Variants in PLEKHA7 observed in about 807,000 individuals in gnomAD.
PLEKHA7 encodes the protein pleckstrin homology domain-containing family A member 7.
Under a neutral mutation model 170.0 loss-of-function variants are expected in PLEKHA7, and 104 were observed. The ratio of observed to expected loss-of-function variants is 0.61; its 90% CI spans 0.52 to 0.72. The LOEUF (loss-of-function observed/expected upper bound fraction) is 0.72, where lower values mean the gene tolerates loss of function less well. Among genes scored for constraint, PLEKHA7 ranks in the 30% least tolerant of loss-of-function variants. The probability of loss-of-function intolerance (pLI) is 0.00; values close to 1 mark genes in which losing one functional copy is unlikely to be tolerated. For synonymous variants in PLEKHA7, 648 were observed against 660.8 expected, an observed-to-expected ratio of 0.98 and a Z score of 0.30; for missense variants, 1,615 against 1,671.7, an observed-to-expected ratio of 0.97 and a Z score of 0.59.
intron 3 of PLEKHA7, among the ~76,000 whole-genome samples, chr11:16,977,844 G>A (rs1166599804): frequency 1.3e-5 from 2 of 152,134 alleles, no homozygotes; most frequent in South Asian, 4.1e-4. Context: ...CAACCTCTCT[G>A]AGCCTTGGTA....
At chr11:16,878,516 ACTG>A (rs2135758695) in intron 3 of PLEKHA7, among the ~76,000 whole-genome samples, 1 of 152,292 alleles carries the variant, frequency 6.6e-6, no homozygotes, top group East Asian at 1.9e-4. Context: ...GCCCAGCCAC[ACTG>A]GCCTTTTTGT....
intron 8 of PLEKHA7, among the ~76,000 whole-genome samples, chr11:16,848,095 G>T (rs1852607250): frequency 6.6e-6 from 1 of 152,166 alleles, no homozygotes. Flanking sequence ...CAGAATAGTG[G>T]CAGCAGAAGT....
At chr11:16,786,453 CT>C in intron 23 of PLEKHA7, 66 bp from the exon 24 acceptor site, 6 of 1,528,802 alleles carry the variant, frequency 3.9e-6, no homozygotes, top group Non-Finnish European at 4.4e-6. Context: ...GGCTGGTCAC[CT>C]TTTTCCATGG....
chr11:16,893,328 G>C (rs1212745990), intron 3 of PLEKHA7, among the ~76,000 whole-genome samples: 2 of 152,132 alleles, frequency 1.3e-5, no homozygotes, highest in Non-Finnish European at 2.9e-5. Flanking sequence ...GTTTGTTCAA[G>C]GTAAACAATA....
At chr11:16,805,593 C>T (rs1186854183) in intron 13 of PLEKHA7, among the ~76,000 whole-genome samples, 1 of 151,856 alleles carries the variant, frequency 6.6e-6, no homozygotes, top group African/African-American at 2.4e-5. Context: ...AGTTCAAGAT[C>T]AGTCTGGCCA....
chr11:16,796,489 G>A (rs1848237697), intron 17 of PLEKHA7, among the ~76,000 whole-genome samples: 1 of 152,184 alleles, frequency 6.6e-6, no homozygotes, highest in South Asian at 2.1e-4. Flanking sequence ...GTAGATTAGT[G>A]TTTGGCAAGG....
chr11:17,006,753 C>T (rs548985294), intron 3 of PLEKHA7, among the ~76,000 whole-genome samples: 2 of 152,276 alleles, frequency 1.3e-5, no homozygotes, highest in Admixed American at 6.5e-5. Context: ...AGGACAGACT[C>T]CTTCCTAGGG....
chr11:16,898,737 C>T (rs978668720), intron 3 of PLEKHA7, among the ~76,000 whole-genome samples: 21 of 152,142 alleles, frequency 1.4e-4, no homozygotes, highest in Non-Finnish European at 3.1e-4. Context: ...AAATCCTGGC[C>T]TTTATCATCT....
intron 8 of PLEKHA7, among the ~76,000 whole-genome samples, chr11:16,847,336 C>T (rs1852519796): frequency 6.6e-6 from 1 of 151,920 alleles, no homozygotes; most frequent in African/African-American, 2.4e-5. Context: ...TCGTGATCCG[C>T]CCCCCTCTGC....
intron 3 of PLEKHA7, among the ~76,000 whole-genome samples, chr11:16,915,462 C>A (rs1381880342): frequency 2.0e-5 from 3 of 151,876 alleles, no homozygotes; most frequent in Non-Finnish European, 4.4e-5. Flanking sequence ...GCTGCACCCA[C>A]TAACTCGTCA....
chr11:16,779,831 G>T (rs141667607), intron 26 of PLEKHA7, among the ~76,000 whole-genome samples: 2 of 152,144 alleles, frequency 1.3e-5, no homozygotes, highest in African/African-American at 4.8e-5. Flanking sequence ...TGCTCGGGGC[G>T]GCCCAGATGA....
chr11:16,898,570 A>G (rs1191728080), intron 3 of PLEKHA7, among the ~76,000 whole-genome samples: 4 of 152,196 alleles, frequency 2.6e-5, no homozygotes, highest in Admixed American at 2.6e-4. Context: ...GAATGTAACA[A>G]GTTAGCACTC....
intron 4 of PLEKHA7, among the ~76,000 whole-genome samples, chr11:16,865,483 G>A (rs1418858560): frequency 4.6e-5 from 7 of 152,166 alleles, no homozygotes. Context: ...CAGCGCTTTG[G>A]GAGGCTGAGG....
Position 16,812,669 on chromosome 11 carries a change from C to T in PLEKHA7, c.2007+444G>A, listed in dbSNP as rs531580417. Among the ~76,000 whole-genome samples the T allele has an allele frequency of 2.6e-4, 39 of 152,282 alleles. No individual in the cohort carries two copies. In the East Asian group the frequency reaches 5.8e-3, roughly 23 times the overall value. ...CTCCTAAACCGAGATGGGAGACTAC[C>T]GGTGAGCCTCAAAGCCATGCGATTC... is the stretch of plus-strand genomic sequence containing the variant. On this transcript the variant is annotated intron_variant, in intron 13 of 26. Transcript: ENST00000531066.
At chr11:17,005,626 T>A (rs572225703) in intron 3 of PLEKHA7, among the ~76,000 whole-genome samples, 2 of 152,106 alleles carry the variant, frequency 1.3e-5, no homozygotes, top group Non-Finnish European at 2.9e-5. Context: ...AAACACCTCT[T>A]CCCAACCCAG....
At chr11:16,875,489 C>T (rs764940086) in intron 3 of PLEKHA7, among the ~76,000 whole-genome samples, 3 of 151,880 alleles carry the variant, frequency 2.0e-5, no homozygotes, top group Non-Finnish European at 4.4e-5. Flanking sequence ...CTTTGTCACC[C>T]AGGCTGGAGT....
Position 16,803,066 on chromosome 11 carries a change from C to T in PLEKHA7, c.2077-14G>A. ...GCTCAGTTTGACCTAAAAGCAAGAA[C>T]AGGTGGAGAGGGCCTGGGGTGATGA... On this transcript the variant is annotated splice_polypyrimidine_tract_variant and intron_variant, in intron 14 of 26. Coordinates refer to ENST00000531066, the MANE Select transcript of PLEKHA7 (RefSeq NM_001329630.2). 1 of 1,611,188 alleles carries T rather than the reference C, an allele frequency of 6.2e-7. No individual in the cohort carries two copies. Among genetic ancestry groups the T allele is most frequent in the Non-Finnish European group, 8.5e-7 (1 of 1,177,320 alleles).
rs772480386 is a variant in PLEKHA7, at chr11:16,788,832, A to G, written c.3357+264T>C. 1.0e-3 allele frequency: 561 copies of G among 551,594 alleles called. 6 individuals carry two copies. The highest frequency in any genetic ancestry group is 2.4e-3 in the Middle Eastern group (5 of 2,098). The allele number at this position is 551,594 out of a possible 1,614,324, so 34.2% of individuals were successfully genotyped here. On this transcript the variant is annotated intron_variant, in intron 23 of 26. Transcript: ENST00000531066. Reference sequence around the variant, plus strand: ...CGAACGCCTGCAAAGGCCCCTCTCCATCGCGGCTGGGAGGACTGACTGGGT... The same window carrying G: ...CGAACGCCTGCAAAGGCCCCTCTCCGTCGCGGCTGGGAGGACTGACTGGGT...
In PLEKHA7 at chr11:16,816,225, C is replaced by T. The variant is rs191477673; in HGVS notation, c.1906G>A (p.Gly636Ser). The T allele has an allele frequency of 3.4e-5, 55 of 1,613,942 alleles. No individual in the cohort carries two copies. The East Asian group carries it at 1.2e-3, about 35-fold the overall frequency. Residue 636 changes from glycine to serine, a missense_variant, in exon 12 of 27, where the codon GGT (glycine) becomes AGT (serine). Transcript: ENST00000531066. ...HVDRRSMPSMGYMTHTVSAPS... is the reference protein window; with the variant it reads ...HVDRRSMPSMSYMTHTVSAPS... ...GCGCTGACGGTGTGGGTCATGTAAC[C>T]CATGGAGGGCATGGAGCGTCGGTCC...
Sources: gnomAD v4.1 joint callset for allele counts (sites outside exome capture counted in the v4.1 genomes callset) on GRCh38, gnomAD v4.1.1 for gene constraint, MANE v1.5 for transcripts, NCBI Gene and HGNC (gene_info 2026-07-23, HGNC 2026-07-21) for gene names.